The following CRADD variants were observed in gnomAD, a reference collection of about 807,000 sequenced individuals.
CRADD encodes the protein CARD and death domain containing adaptor protein, also known as death domain-containing protein CRADD.
In CRADD, 9 loss-of-function variants were observed where a neutral mutation model predicts 15.5. The observed-to-expected ratio is 0.58, with a 90% CI of 0.35 to 1.01. The LOEUF is 1.01. Ranked by LOEUF, CRADD falls within the 50% of genes least tolerant of loss-of-function variation. The pLI, the probability that CRADD is intolerant of heterozygous loss-of-function variation, is 0.02. For synonymous variants in CRADD, 118 were observed against 107.6 expected (o/e 1.10, Z -0.60); for missense variants, 227 against 250.3 (o/e 0.91, Z 0.63).
At chr12:93,791,741 C>T (rs1020971753) in intron 2 of CRADD, among the ~76,000 whole-genome samples, 2 of 151,824 alleles carry the variant, frequency 1.3e-5, no homozygotes, top group African/African-American at 4.8e-5. Flanking sequence ...GCTAACTAAC[C>T]ATAGGTATAA....
In CRADD at chr12:93,850,602, T is replaced by C. The variant is rs143283653; in HGVS notation, c.*331T>C. The C allele has an allele frequency of 1.5e-4, 138 of 916,556 alleles. No homozygotes were observed. The East Asian group carries it at 0.01, about 68-fold the overall frequency. The allele number at this position is 916,556 out of a possible 1,614,324, so 56.8% of individuals were successfully genotyped here. A position where few individuals can be genotyped will look rare whatever the true frequency, so the allele number is the denominator to read the frequency against. On this transcript the variant is annotated 3_prime_UTR_variant, in exon 3 of 3. Coordinates refer to ENST00000332896, the MANE Select transcript of CRADD (RefSeq NM_003805.5). The surrounding 1 kb of genome is among the most constrained non-coding windows in gnomAD (Gnocchi z 4.0). ...ATATCCATATATATATATATCCATA[T>C]ATATATCTCATGTCATCACATTACA...
intron 2 of CRADD, among the ~76,000 whole-genome samples, chr12:93,785,592 G>A (rs1957268945): frequency 6.6e-6 from 1 of 152,212 alleles, no homozygotes; most frequent in East Asian, 1.9e-4. Flanking sequence ...TGGAAGCTGA[G>A]TGATTTATTT....
intron 2 of CRADD, among the ~76,000 whole-genome samples, chr12:93,788,746 C>T (rs1957312926): frequency 6.6e-6 from 1 of 152,136 alleles, no homozygotes; most frequent in Admixed American, 6.6e-5. Flanking sequence ...CTCTGCCTCT[C>T]TTTAGCAGTC....
At chr12:93,807,582 G>A (rs1291599165) in intron 2 of CRADD, among the ~76,000 whole-genome samples, 3 of 152,070 alleles carry the variant, frequency 2.0e-5, no homozygotes, top group Admixed American at 2.0e-4. Context: ...AAAGTTCCAC[G>A]TTTGTGAAGT....
At chr12:93,697,357 C>A (rs886357067) in intron 2 of CRADD, among the ~76,000 whole-genome samples, 8 of 152,224 alleles carry the variant, frequency 5.3e-5, no homozygotes, top group African/African-American at 1.9e-4. Context: ...GTGTTAACCT[C>A]TTCTGCCACG....
At chr12:93,844,992 A>C (rs1958096618) in intron 2 of CRADD, among the ~76,000 whole-genome samples, 1 of 152,146 alleles carries the variant, frequency 6.6e-6, no homozygotes, top group Non-Finnish European at 1.5e-5. Context: ...AACAAAAAAC[A>C]AAAAACAAAA....
At chr12:93,864,751 C>T (rs1858244885) in intron 2 of CRADD, among the ~76,000 whole-genome samples, 1 of 152,174 alleles carries the variant, frequency 6.6e-6, no homozygotes, top group African/African-American at 2.4e-5. Context: ...GTGTACCCCT[C>T]AGTACGGGGA....
intron 2 of CRADD, among the ~76,000 whole-genome samples, chr12:93,694,773 T>TAATG (rs1200764677): frequency 6.6e-6 from 1 of 152,096 alleles, no homozygotes; most frequent in African/African-American, 2.4e-5. Context: ...AAAACCTGTA[T>TAATG]AATGAAAACT....
At chr12:93,720,704 T>C (rs1362077223) in intron 2 of CRADD, among the ~76,000 whole-genome samples, 1 of 152,248 alleles carries the variant, frequency 6.6e-6, no homozygotes, top group Non-Finnish European at 1.5e-5. Flanking sequence ...CTCTGTAGTT[T>C]GCTATGTCTG....
chr12:93,727,330 A>G (rs1455781727), intron 2 of CRADD, among the ~76,000 whole-genome samples: 1 of 152,302 alleles, frequency 6.6e-6, no homozygotes, highest in African/African-American at 2.4e-5. Context: ...TGTAGTTGCA[A>G]GATGACTCCA....
intron 2 of CRADD, among the ~76,000 whole-genome samples, chr12:93,703,154 A>G (rs1489936124): frequency 6.6e-6 from 1 of 152,168 alleles, no homozygotes; most frequent in Non-Finnish European, 1.5e-5. Context: ...TACCTTCCAA[A>G]GGTCACAAAA....
intron 2 of CRADD, among the ~76,000 whole-genome samples, chr12:93,795,071 A>C (rs73363164): frequency 1.2e-4 from 19 of 152,250 alleles, no homozygotes; most frequent in African/African-American, 4.6e-4. Context: ...AATTTATGTA[A>C]AGCATTTGTG....
At chr12:93,887,751 CA>C (rs1958548001) in intron 2 of CRADD, among the ~76,000 whole-genome samples, 1 of 152,168 alleles carries the variant, frequency 6.6e-6, no homozygotes, top group Non-Finnish European at 1.5e-5. Context: ...ATTTACTGAG[CA>C]CATACTACGT....
chr12:93,747,386 G>T (rs1243062495), intron 2 of CRADD, among the ~76,000 whole-genome samples: 1 of 152,026 alleles, frequency 6.6e-6, no homozygotes, highest in African/African-American at 2.4e-5. Flanking sequence ...GAAAGCAAGG[G>T]TGAGTATTAT....
chr12:93,872,582 A>G (rs1958430418), intron 2 of CRADD, among the ~76,000 whole-genome samples: 1 of 152,116 alleles, frequency 6.6e-6, no homozygotes, highest in Non-Finnish European at 1.5e-5. Flanking sequence ...TGATTTTTGT[A>G]TCTGGTGAGA....
chr12:93,711,055 C>CCCCCTTTTTTTTT, intron 2 of CRADD, among the ~76,000 whole-genome samples: 2 of 43,508 alleles, frequency 4.6e-5, no homozygotes, highest in African/African-American at 8.5e-5. Flanking sequence ...CCACCCCCGC[C>CCCCCTTTTTTTTT]TTTTTTTTTT....
rs182020548 is a variant in CRADD, at chr12:93,814,849, T to C, written c.299-35121T>C. On this transcript the variant is annotated intron_variant, in intron 2 of 2. Transcript: ENST00000332896. Reference sequence around the variant, plus strand: ...TGTGAAACCTATGTGATCATGTATATGTACAATGTTTTCTTAAAAAAAATT... The same window carrying C: ...TGTGAAACCTATGTGATCATGTATACGTACAATGTTTTCTTAAAAAAAATT... 4.1e-3 allele frequency among the ~76,000 whole-genome samples: 628 copies of C among 152,362 alleles called. 15 individuals carry two copies. Among genetic ancestry groups the C allele is most frequent in the Admixed American group, 0.039 (591 of 15,306 alleles).
intron 2 of CRADD, among the ~76,000 whole-genome samples, chr12:93,889,217 A>T (rs1187069890): frequency 1.3e-5 from 2 of 152,196 alleles, no homozygotes; most frequent in Non-Finnish European, 2.9e-5. Context: ...AAAACAGGAC[A>T]TTCATTAACA....
At chr12:93,792,899 A>G (rs1687103035) in intron 2 of CRADD, among the ~76,000 whole-genome samples, 1 of 152,198 alleles carries the variant, frequency 6.6e-6, no homozygotes, top group Admixed American at 6.5e-5. Flanking sequence ...GTTTCCCCTG[A>G]ATCCACAGAA....
Sources: gnomAD v4.1 joint callset for allele counts (sites outside exome capture counted in the v4.1 genomes callset) on GRCh38, gnomAD v4.1.1 for gene constraint, Gnocchi (gnomAD v3.1) non-coding constraint, MANE v1.5 for transcripts, NCBI Gene and HGNC (gene_info 2026-07-23, HGNC 2026-07-21) for gene names.